NEURL1B: variants seen among roughly 807,000 people sequenced by gnomAD.
NEURL1B encodes E3 ubiquitin-protein ligase NEURL1B.
Under a neutral mutation model 37.4 loss-of-function variants are expected in NEURL1B, and 13 were observed. The observed-to-expected ratio is 0.35, with a 90% confidence interval of 0.23 to 0.55. The LOEUF (loss-of-function observed/expected upper bound fraction) is 0.55. NEURL1B is among the 20% of genes least tolerant of loss of function. The pLI, the probability that NEURL1B is intolerant of heterozygous loss-of-function variation, is 0.89. For missense variants in NEURL1B, 790 were observed against 879.2 expected (o/e 0.90, Z 1.28); for synonymous variants, 432 against 426.6 (o/e 1.01, Z -0.16).
At chr5:172,664,835 A>C (rs1169160449) in intron 1 of NEURL1B, among the ~76,000 whole-genome samples, 1 of 152,186 alleles carries the variant, frequency 6.6e-6, no homozygotes, top group Non-Finnish European at 1.5e-5. Flanking sequence ...GGGGAGGAAA[A>C]AAATAAAGAC....
In NEURL1B at chr5:172,686,435, G is replaced by A; in HGVS notation, c.1423+139G>A. The stretch of plus-strand genomic sequence containing the variant: ...TCTCCTTCCCTCAGCTGTATGCTCA[G>A]CTGGAGGGAGGAGAAGTGTCTAGAT... On this transcript the variant is annotated intron_variant, in intron 4 of 4. Coordinates refer to ENST00000369800, the MANE Select transcript of NEURL1B (RefSeq NM_001142651.3). This position sits in a 1 kb window ranked among gnomAD's most constrained non-coding sequence, Gnocchi z 7.9. 4 of 991,504 alleles carry A rather than the reference G, an allele frequency of 4.0e-6. No individual in the cohort carries two copies. The highest frequency in any genetic ancestry group is 5.9e-6 in the Non-Finnish European group (4 of 676,746). The allele number at this position is 991,504 out of a possible 1,614,324, so 61.4% of individuals were successfully genotyped here. A position where few individuals can be genotyped will look rare whatever the true frequency, so the allele number is the denominator to read the frequency against.
At position 172,686,329 on chromosome 5, in the gene NEURL1B, G is replaced by A. The variant is rs1410141819; in HGVS notation, c.1423+33G>A. ...AATGCAAACCCTGGCAGGGGCAGGGGCTGGCGGCTGGCCTGGCTCCTCCGG... is the reference window on the plus strand; with the variant it reads ...AATGCAAACCCTGGCAGGGGCAGGGACTGGCGGCTGGCCTGGCTCCTCCGG... On this transcript the variant is annotated intron_variant, in intron 4 of 4. Transcript: ENST00000369800. The surrounding 1 kb of genome is among the most constrained non-coding windows in gnomAD (Gnocchi z 7.9). 3 of 1,548,426 alleles carry A rather than the reference G, an allele frequency of 1.9e-6. 1 individual carries two copies. The highest frequency in any genetic ancestry group is 1.4e-5 in the African/African-American group (1 of 73,142).
intron 2 of NEURL1B, among the ~76,000 whole-genome samples, chr5:172,678,017 C>T (rs72809920): frequency 1.6e-4 from 25 of 152,152 alleles, no homozygotes; most frequent in Non-Finnish European, 2.9e-4. Flanking sequence ...GGCCCACTAC[C>T]GGGCCCCTCG....
At chr5:172,684,965 C>T (rs1267781700) in intron 3 of NEURL1B, among the ~76,000 whole-genome samples, 1 of 152,172 alleles carries the variant, frequency 6.6e-6, no homozygotes, top group Non-Finnish European at 1.5e-5. Context: ...CTCATATGTT[C>T]CCTCATTGAA....
At chr5:172,644,105 A>G (rs1757518313) in intron 1 of NEURL1B, among the ~76,000 whole-genome samples, 3 of 152,076 alleles carry the variant, frequency 2.0e-5, no homozygotes, top group Admixed American at 2.0e-4. Context: ...TGTCTCCCCC[A>G]GGGAGATTTT....
chr5:172,646,404 G>A (rs777092329), intron 1 of NEURL1B, among the ~76,000 whole-genome samples: 3 of 152,194 alleles, frequency 2.0e-5, no homozygotes, highest in Non-Finnish European at 2.9e-5. Flanking sequence ...GTCCCGGCAC[G>A]GGGCTGGCTG....
intron 2 of NEURL1B, among the ~76,000 whole-genome samples, chr5:172,670,636 T>G (rs545301316): frequency 6.6e-6 from 1 of 152,312 alleles, no homozygotes; most frequent in South Asian, 2.1e-4. Context: ...CTTCCTAGTT[T>G]ATTTGCTCAT....
At chr5:172,663,696 G>T (rs562610877) in intron 1 of NEURL1B, among the ~76,000 whole-genome samples, 2 of 151,728 alleles carry the variant, frequency 1.3e-5, no homozygotes, top group Non-Finnish European at 2.9e-5. Flanking sequence ...GAAGTGGGGG[G>T]CACGGCTCAC....
chr5:172,678,129 C>T (rs1300447379), intron 2 of NEURL1B, among the ~76,000 whole-genome samples: 1 of 152,206 alleles, frequency 6.6e-6, no homozygotes, highest in Non-Finnish European at 1.5e-5. Context: ...CTGGCCACCC[C>T]TCGCCCTACC....
At chr5:172,651,299 T>TA (rs1757658622) in intron 1 of NEURL1B, among the ~76,000 whole-genome samples, 1 of 152,202 alleles carries the variant, frequency 6.6e-6, no homozygotes, top group Admixed American at 6.5e-5. Flanking sequence ...GTGCTGTTTT[T>TA]ATGAGCCTTT....
intron 2 of NEURL1B, among the ~76,000 whole-genome samples, chr5:172,679,359 G>A (rs1758300933): frequency 6.6e-6 from 1 of 152,232 alleles, no homozygotes; most frequent in East Asian, 1.9e-4. Context: ...GGACCATCAG[G>A]GTATGGAGCT....
intron 2 of NEURL1B, among the ~76,000 whole-genome samples, chr5:172,674,217 C>T (rs886233682): frequency 1.3e-5 from 2 of 152,172 alleles, no homozygotes; most frequent in African/African-American, 4.8e-5. Context: ...GTCTAAGAAG[C>T]ATCCACCCCA....
At chr5:172,673,296 C>G (rs59237256) in intron 2 of NEURL1B, among the ~76,000 whole-genome samples, 1 of 152,060 alleles carries the variant, frequency 6.6e-6, no homozygotes, top group Admixed American at 6.5e-5. Flanking sequence ...GCTTCCTGAA[C>G]GTGGTGTCCA....
chr5:172,642,237 A>G (rs1005784912), intron 1 of NEURL1B, among the ~76,000 whole-genome samples: 1 of 152,184 alleles, frequency 6.6e-6, no homozygotes, highest in Non-Finnish European at 1.5e-5. Flanking sequence ...CGCGATAAAG[A>G]TGTGTATCCC....
chr5:172,673,897 G>C (rs1758179279), intron 2 of NEURL1B, among the ~76,000 whole-genome samples: 1 of 151,534 alleles, frequency 6.6e-6, no homozygotes, highest in South Asian at 2.1e-4. Context: ...CCAGCACTTT[G>C]GGAGGCCGAG....
At chr5:172,659,041 C>T (rs1054529247) in intron 1 of NEURL1B, among the ~76,000 whole-genome samples, 1 of 135,622 alleles carries the variant, frequency 7.4e-6, no homozygotes, top group African/African-American at 2.7e-5. Context: ...CCCGCCCCCC[C>T]CCCCCCAAAG....
At chr5:172,649,826 T>C (rs1351207201) in intron 1 of NEURL1B, among the ~76,000 whole-genome samples, 2 of 152,202 alleles carry the variant, frequency 1.3e-5, no homozygotes, top group Non-Finnish European at 2.9e-5. Context: ...AACTTTCAGA[T>C]AGCGGCAGGT....
chr5:172,669,888 C>T lies in NEURL1B; in HGVS notation c.135C>T (p.Ala45=). 1.4e-6 allele frequency: 2 copies of T among 1,443,882 alleles called. No individual in the cohort carries two copies. The highest frequency in any genetic ancestry group is 1.8e-6 in the Non-Finnish European group (2 of 1,101,564). The allele number at this position is 1,443,882 out of a possible 1,614,324, so 89.4% of individuals were successfully genotyped here. The change falls in exon 2 of 5, where the codon GCC becomes GCT. Residue 45 remains alanine (A), a synonymous_variant. Coordinates refer to ENST00000369800, the MANE Select transcript of NEURL1B (RefSeq NM_001142651.3). ...LGEAPRFHAQ[A]KGKNVRLDGH... ...AGGCGCCGCGCTTCCACGCGCAGGCCAAAGGCAAGAACGTGCGGCTGGACG... is the reference window on the plus strand; with the variant it reads ...AGGCGCCGCGCTTCCACGCGCAGGCTAAAGGCAAGAACGTGCGGCTGGACG...
intron 1 of NEURL1B, among the ~76,000 whole-genome samples, chr5:172,662,461 A>G (rs925288357): frequency 3.9e-5 from 6 of 152,188 alleles, no homozygotes; most frequent in African/African-American, 1.4e-4. Flanking sequence ...GTTATTTCCC[A>G]TGGGGAAGGG....
Sources: gnomAD v4.1 joint callset for allele counts (sites outside exome capture counted in the v4.1 genomes callset) on GRCh38, gnomAD v4.1.1 for gene constraint, Gnocchi (gnomAD v3.1) non-coding constraint, MANE v1.5 for transcripts, NCBI Gene and HGNC (gene_info 2026-07-23, HGNC 2026-07-21) for gene names.